SCFD2: variants seen among roughly 807,000 people sequenced by gnomAD.
SCFD2 encodes sec1 family domain-containing protein 2.
SCFD2 carries 54 observed loss-of-function variants against 58.9 expected under a neutral mutation model. The observed-to-expected ratio is 0.92, with a 90% CI of 0.74 to 1.15. The LOEUF (loss-of-function observed/expected upper bound fraction) is 1.15. SCFD2 is among the 50% of genes most tolerant of loss of function. The pLI, the probability that SCFD2 is intolerant of heterozygous loss-of-function variation, is 0.00. For missense variants in SCFD2, 805 were observed against 836.6 expected, an observed-to-expected ratio of 0.96 and a Z score of 0.47; for synonymous variants, 321 against 335.9, an observed-to-expected ratio of 0.96 and a Z score of 0.49.
intron 5 of SCFD2, among the ~76,000 whole-genome samples, chr4:53,018,312 A>C (rs1722261622): frequency 1.3e-5 from 2 of 152,232 alleles, no homozygotes; most frequent in African/African-American, 4.8e-5. Flanking sequence ...TATTATTCAC[A>C]GATTACTAAA....
chr4:53,024,305 A>G (rs1722419347), intron 5 of SCFD2, among the ~76,000 whole-genome samples: 1 of 152,182 alleles, frequency 6.6e-6, no homozygotes, highest in Non-Finnish European at 1.5e-5. Context: ...CAAACTGGCT[A>G]ACAAACACTG....
At chr4:53,275,950 T>C (rs1224711835) in intron 3 of SCFD2, among the ~76,000 whole-genome samples, 2 of 152,056 alleles carry the variant, frequency 1.3e-5, no homozygotes, top group Non-Finnish European at 2.9e-5. Context: ...AGTTAATGAG[T>C]ATTTGGGTTG....
intron 7 of SCFD2, among the ~76,000 whole-genome samples, chr4:52,887,719 A>G (rs1718771207): frequency 6.6e-6 from 1 of 152,102 alleles, no homozygotes; most frequent in Non-Finnish European, 1.5e-5. Flanking sequence ...GAGGGAATGA[A>G]GGTAGTAAGT....
At chr4:53,057,364 A>G (rs1723373965) in intron 5 of SCFD2, among the ~76,000 whole-genome samples, 1 of 152,204 alleles carries the variant, frequency 6.6e-6, no homozygotes, top group African/African-American at 2.4e-5. Flanking sequence ...TTGCAGGGAA[A>G]AAGGTGGAAA....
intron 5 of SCFD2, among the ~76,000 whole-genome samples, chr4:52,975,015 T>C (rs1245015523): frequency 6.6e-6 from 1 of 152,172 alleles, no homozygotes; most frequent in South Asian, 2.1e-4. Context: ...ATACAAAAAT[T>C]AATTCAAGAT....
chr4:53,028,709 G>GTTGAAGAAAA (rs1722542673), intron 5 of SCFD2, among the ~76,000 whole-genome samples: 1 of 152,138 alleles, frequency 6.6e-6, no homozygotes, highest in Non-Finnish European at 1.5e-5. Flanking sequence ...TCTTCCCCGG[G>GTTGAAGAAAA]GTTTTAAGTT....
At chr4:53,335,346 T>G (rs1387585493) in intron 2 of SCFD2, among the ~76,000 whole-genome samples, 3 of 152,176 alleles carry the variant, frequency 2.0e-5, no homozygotes, top group African/African-American at 4.8e-5. Flanking sequence ...CCAAAATTAC[T>G]GGTCTGTATT....
At chr4:52,996,829 AGG>A (rs1721751086) in intron 5 of SCFD2, among the ~76,000 whole-genome samples, 1 of 152,246 alleles carries the variant, frequency 6.6e-6, no homozygotes, top group East Asian at 1.9e-4. Context: ...GTCAGCAGCC[AGG>A]ACAAAGGATC....
At chr4:53,169,814 G>T (rs535697008) in intron 4 of SCFD2, among the ~76,000 whole-genome samples, 1 of 152,110 alleles carries the variant, frequency 6.6e-6, no homozygotes, top group African/African-American at 2.4e-5. Context: ...CATTTTCTTT[G>T]TTGGTCATTT....
intron 5 of SCFD2, among the ~76,000 whole-genome samples, chr4:53,019,757 A>G (rs1367668403): frequency 1.3e-5 from 2 of 152,088 alleles, no homozygotes; most frequent in African/African-American, 2.4e-5. Context: ...TCCCACCTTC[A>G]TTTTCCCAGT....
At chr4:53,129,118 T>C (rs1725715622) in intron 5 of SCFD2, among the ~76,000 whole-genome samples, 1 of 152,240 alleles carries the variant, frequency 6.6e-6, no homozygotes. Context: ...AAGTTGCTAA[T>C]GAACACTGCA....
At chr4:52,884,050 T>C (rs1462496283) in intron 8 of SCFD2, among the ~76,000 whole-genome samples, 1 of 152,140 alleles carries the variant, frequency 6.6e-6, no homozygotes, top group Non-Finnish European at 1.5e-5. Context: ...CCAGTTCTCT[T>C]GGAGTCAATA....
chr4:53,291,856 C>T (rs1466835473), intron 3 of SCFD2, among the ~76,000 whole-genome samples: 1 of 151,994 alleles, frequency 6.6e-6, no homozygotes, highest in African/African-American at 2.4e-5. Flanking sequence ...GTTTGACAAA[C>T]CTGACAAAAA....
intron 5 of SCFD2, among the ~76,000 whole-genome samples, chr4:53,065,111 G>T (rs1483445004): frequency 6.6e-6 from 1 of 152,068 alleles, no homozygotes; most frequent in East Asian, 1.9e-4. Context: ...CTCCAGTCAT[G>T]ACAGCAGATA....
Position 53,111,847 on chromosome 4 carries a change from A to T in SCFD2, c.1561+33486T>A, listed in dbSNP as rs542141675. On this transcript the variant is annotated intron_variant, in intron 5 of 8. Coordinates refer to ENST00000401642, the MANE Select transcript of SCFD2 (RefSeq NM_152540.4). ...ATAAAACATCATTCATTCTTCTATT[A>T]TTGAGTGTATTAGGGAGTAACTGCA... Among the ~76,000 whole-genome samples, 703 of 152,276 alleles carry T rather than the reference A, an allele frequency of 4.6e-3. 2 individuals carry two copies. The highest frequency in any genetic ancestry group is 0.016 in the African/African-American group (675 of 41,572).
chr4:53,333,248 C>A (rs1218801546), intron 2 of SCFD2, among the ~76,000 whole-genome samples: 1 of 148,188 alleles, frequency 6.7e-6, no homozygotes, highest in African/African-American at 2.5e-5. Flanking sequence ...GAAAAAACTA[C>A]TTTAAAGTTC....
intron 5 of SCFD2, among the ~76,000 whole-genome samples, chr4:53,116,717 AAT>A (rs747539252): frequency 4.3e-4 from 65 of 152,214 alleles, no homozygotes; most frequent in Non-Finnish European, 7.9e-4. Flanking sequence ...TGAACCAATA[AAT>A]ATGATTAATT....
intron 5 of SCFD2, among the ~76,000 whole-genome samples, chr4:53,106,084 CT>C (rs532556901): frequency 4.5e-4 from 68 of 152,280 alleles, no homozygotes; most frequent in African/African-American, 1.6e-3. Context: ...CAAACAGGGT[CT>C]GGAGTGGACC....
chr4:52,941,721 A>G (rs1316151155), intron 5 of SCFD2, among the ~76,000 whole-genome samples: 1 of 152,242 alleles, frequency 6.6e-6, no homozygotes, highest in African/African-American at 2.4e-5. Context: ...GGGATGAGGG[A>G]AATTTACAAA....
Sources: allele counts gnomAD v4.1 joint callset (sites outside exome capture counted in the v4.1 genomes callset), GRCh38; gene constraint gnomAD v4.1.1; transcripts MANE v1.5; gene names NCBI Gene and HGNC (gene_info 2026-07-23, HGNC 2026-07-21).